The following ZNF804A variants were observed in gnomAD, a reference collection of about 807,000 sequenced individuals.
The protein encoded by ZNF804A is zinc finger protein 804A.
In ZNF804A, 2 loss-of-function variants were observed where a neutral mutation model predicts 16.5. That is an observed-to-expected ratio of 0.12 (90% confidence interval 0.05 to 0.38). ZNF804A has a LOEUF of 0.38. Ranked by LOEUF, ZNF804A falls within the 10% of genes least tolerant of loss-of-function variation. The probability of loss-of-function intolerance (pLI) is 0.99; values close to 1 mark genes in which losing one functional copy is unlikely to be tolerated. For missense variants in ZNF804A, 1,473 were observed against 1,390.7 expected (o/e 1.06, Z -0.94); for synonymous variants, 534 against 489.6 (o/e 1.09, Z -1.20).
chr2:184,879,212 T>C (rs1169217163), intron 2 of ZNF804A, among the ~76,000 whole-genome samples: 1 of 151,978 alleles, frequency 6.6e-6, no homozygotes, highest in African/African-American at 2.4e-5. Flanking sequence ...ATATTTGCAA[T>C]CTTGGTAATT....
intron 1 of ZNF804A, among the ~76,000 whole-genome samples, chr2:184,840,862 T>C (rs16826222): frequency 0.039 from 5,981 of 152,196 alleles, 379 homozygotes; most frequent in African/African-American, 0.13. Context: ...TACTCAAACA[T>C]AGACCCTAGG....
chr2:184,790,390 G>C (rs1273592687), intron 1 of ZNF804A, among the ~76,000 whole-genome samples: 1 of 151,750 alleles, frequency 6.6e-6, no homozygotes, highest in African/African-American at 2.4e-5. Flanking sequence ...TAAGTCCAGA[G>C]GTTTTTGGTG....
At chr2:184,804,492 G>A (rs1694773594) in intron 1 of ZNF804A, among the ~76,000 whole-genome samples, 1 of 152,140 alleles carries the variant, frequency 6.6e-6, no homozygotes, top group Non-Finnish European at 1.5e-5. Context: ...CAGAATCTCA[G>A]GTCCCACACT....
chr2:184,903,853 T>A (rs1167608899), intron 2 of ZNF804A, among the ~76,000 whole-genome samples: 1 of 152,070 alleles, frequency 6.6e-6, no homozygotes, highest in East Asian at 1.9e-4. Context: ...CATTCCTACT[T>A]TTTTTCTTTA....
intron 1 of ZNF804A, among the ~76,000 whole-genome samples, chr2:184,807,408 A>G (rs1165538026): frequency 6.6e-6 from 1 of 151,856 alleles, no homozygotes; most frequent in East Asian, 1.9e-4. Flanking sequence ...GAAGGGATAG[A>G]TGAAGCTACA....
At chr2:184,733,052 C>A (rs370720916) in intron 1 of ZNF804A, among the ~76,000 whole-genome samples, 14 of 152,152 alleles carry the variant, frequency 9.2e-5, no homozygotes, top group East Asian at 5.8e-4. Context: ...ATTAGAACTT[C>A]CAATATGATA....
chr2:184,668,478 A>G (rs1278064219), intron 1 of ZNF804A, among the ~76,000 whole-genome samples: 1 of 151,948 alleles, frequency 6.6e-6, no homozygotes, highest in East Asian at 1.9e-4. Flanking sequence ...TAATGTTATT[A>G]CTTCTCTCCA....
intron 1 of ZNF804A, among the ~76,000 whole-genome samples, chr2:184,683,032 T>C (rs1384090229): frequency 1.3e-5 from 2 of 152,066 alleles, no homozygotes; most frequent in Non-Finnish European, 2.9e-5. Flanking sequence ...TGAGACCCTG[T>C]CTCAAAAAAT....
At chr2:184,819,155 A>T (rs1272225489) in intron 1 of ZNF804A, among the ~76,000 whole-genome samples, 3 of 152,024 alleles carry the variant, frequency 2.0e-5, no homozygotes, top group African/African-American at 7.2e-5. Flanking sequence ...TCTAACATTG[A>T]TCTCATAATC....
chr2:184,912,995 A>G (rs568829386), intron 2 of ZNF804A, among the ~76,000 whole-genome samples: 2 of 152,172 alleles, frequency 1.3e-5, no homozygotes, highest in East Asian at 1.9e-4. Flanking sequence ...TATGTAAGAA[A>G]CCATTGCTAA....
chr2:184,623,148 C>G (rs1339583432), intron 1 of ZNF804A, among the ~76,000 whole-genome samples: 2 of 151,914 alleles, frequency 1.3e-5, no homozygotes, highest in East Asian at 3.9e-4. Flanking sequence ...TAATTGAAAT[C>G]TGCAATAATA....
chr2:184,703,135 A>G (rs1692953512), intron 1 of ZNF804A, among the ~76,000 whole-genome samples: 1 of 152,172 alleles, frequency 6.6e-6, no homozygotes, highest in Admixed American at 6.5e-5. Flanking sequence ...CATTTCGTGA[A>G]GTGTTTACTA....
At chr2:184,715,061 T>C (rs537810258) in intron 1 of ZNF804A, among the ~76,000 whole-genome samples, 4 of 152,272 alleles carry the variant, frequency 2.6e-5, no homozygotes, top group African/African-American at 9.6e-5. Context: ...AAATACCCTG[T>C]GTCCCACGAG....
At position 184,738,987 on chromosome 2, in the gene ZNF804A, A is replaced by G. The variant is rs996854147; in HGVS notation, c.112-127382A>G. On this transcript the variant is annotated intron_variant, in intron 1 of 3. Coordinates refer to ENST00000302277, the MANE Select transcript of ZNF804A (RefSeq NM_194250.2). Reference sequence around the variant, plus strand: ...TGTAGAATCATTTATGATAATTAGCAAATAAACACAAGGTTGAAATTTTAC... The same window carrying G: ...TGTAGAATCATTTATGATAATTAGCGAATAAACACAAGGTTGAAATTTTAC... Among the ~76,000 whole-genome samples, 11 of 152,236 alleles carry G rather than the reference A, an allele frequency of 7.2e-5. No individual in the cohort carries two copies. In the South Asian group the frequency reaches 8.3e-4, roughly 11 times the overall value.
intron 1 of ZNF804A, among the ~76,000 whole-genome samples, chr2:184,852,263 A>G (rs945308589): frequency 5.2e-5 from 6 of 114,808 alleles, no homozygotes; most frequent in South Asian, 5.7e-4. Flanking sequence ...CTCTCTCTCT[A>G]TCTCTCAGAA....
intron 1 of ZNF804A, among the ~76,000 whole-genome samples, chr2:184,654,926 A>G (rs1692049809): frequency 1.3e-5 from 2 of 152,138 alleles, no homozygotes; most frequent in Admixed American, 6.5e-5. Context: ...TACCTTGCCT[A>G]TTTCATTTAT....
At chr2:184,688,161 TAATA>T (rs971196078) in intron 1 of ZNF804A, among the ~76,000 whole-genome samples, 3 of 151,956 alleles carry the variant, frequency 2.0e-5, no homozygotes, top group Non-Finnish European at 4.4e-5. Flanking sequence ...TATAAACATA[TAATA>T]AATAAACATT....
intron 1 of ZNF804A, among the ~76,000 whole-genome samples, chr2:184,638,222 C>G (rs1691733697): frequency 6.6e-6 from 1 of 152,204 alleles, no homozygotes. Context: ...ATTCCATCCT[C>G]TCCAATCATA....
At chr2:184,719,952 A>G (rs564074266) in intron 1 of ZNF804A, among the ~76,000 whole-genome samples, 3 of 152,254 alleles carry the variant, frequency 2.0e-5, no homozygotes, top group Admixed American at 2.0e-4. Flanking sequence ...GTAAAGTATT[A>G]TTTTGTTTTT....
Sources: gnomAD v4.1 joint callset for allele counts (sites outside exome capture counted in the v4.1 genomes callset) on GRCh38, gnomAD v4.1.1 for gene constraint, MANE v1.5 for transcripts, NCBI Gene and HGNC (gene_info 2026-07-23, HGNC 2026-07-21) for gene names.